The following GRIA3 variants were observed in gnomAD, a reference collection of about 807,000 sequenced individuals.
GRIA3 encodes the protein glutamate receptor 3.
In GRIA3, 3 loss-of-function variants were observed where a neutral mutation model predicts 63.0. That is an observed-to-expected ratio of 0.05 (90% CI 0.02 to 0.12). GRIA3 has a LOEUF of 0.12. Among genes scored for constraint, GRIA3 ranks in the 10% least tolerant of loss-of-function variants. The probability of loss-of-function intolerance (pLI) is 1.00; values close to 1 mark genes in which losing one functional copy is unlikely to be tolerated. For synonymous variants in GRIA3, 274 were observed against 257.9 expected, an observed-to-expected ratio of 1.06 and a Z score of -0.60; for missense variants, 347 against 700.9, an observed-to-expected ratio of 0.50 and a Z score of 5.70.
chrX:123,446,543 A>G (rs1192771790), intron 12 of GRIA3, among the ~76,000 whole-genome samples: 1 of 112,530 alleles, frequency 8.9e-6, no homozygotes, highest in African/African-American at 3.2e-5. Flanking sequence ...TCTTAATCAA[A>G]TATTCTGTTG....
intron 4 of GRIA3, 33 bp downstream of exon 4, chrX:123,326,246 C>T: frequency 9.0e-7 from 1 of 1,116,189 alleles, no homozygotes; most frequent in East Asian, 3.0e-5. Flanking sequence ...CGCCAGCCAA[C>T]ATGTTAAATT....
At chrX:123,289,765 C>G (rs1349975134) in intron 3 of GRIA3, among the ~76,000 whole-genome samples, 2 of 110,175 alleles carry the variant, frequency 1.8e-5, no homozygotes, top group African/African-American at 6.6e-5. Flanking sequence ...ACATGACCAC[C>G]CTCCACCCCC....
At chrX:123,367,199 T>C (rs1384092301) in intron 5 of GRIA3, among the ~76,000 whole-genome samples, 1 of 111,927 alleles carries the variant, frequency 8.9e-6, no homozygotes, top group Non-Finnish European at 1.9e-5. Flanking sequence ...AAGCAGTTGC[T>C]GCAAAACAGC....
At chrX:123,207,322 C>T in intron 2 of GRIA3, among the ~76,000 whole-genome samples, 1 of 111,770 alleles carries the variant, frequency 8.9e-6, no homozygotes, top group Middle Eastern at 4.6e-3. Context: ...ACATACCAGG[C>T]ATCCTTCTAA....
intron 3 of GRIA3, among the ~76,000 whole-genome samples, chrX:123,293,146 G>A (rs1436745377): frequency 9.1e-6 from 1 of 110,477 alleles, no homozygotes; most frequent in East Asian, 2.9e-4. Flanking sequence ...AAGAGTAGGT[G>A]GCCACTAGAC....
chrX:123,228,833 A>G (rs755836847), intron 2 of GRIA3, among the ~76,000 whole-genome samples: 8 of 111,836 alleles, frequency 7.2e-5, no homozygotes, highest in African/African-American at 1.6e-4. Context: ...CCAGAGACCT[A>G]TGAAAATCAG....
intron 10 of GRIA3, among the ~76,000 whole-genome samples, chrX:123,410,820 C>G (rs1472723314): frequency 1.8e-5 from 2 of 111,644 alleles, no homozygotes; most frequent in African/African-American, 6.5e-5. Context: ...ATATTTCCAG[C>G]TAAACGTAGT....
chrX:123,229,464 A>G (rs1210962764), intron 2 of GRIA3, among the ~76,000 whole-genome samples: 1 of 111,726 alleles, frequency 9.0e-6, no homozygotes, highest in Admixed American at 9.5e-5. Context: ...TGAATAGCCT[A>G]TTCCCTACCA....
chrX:123,404,614 C>A (rs1970239733), intron 9 of GRIA3, 94 bp from the exon 10 acceptor site: 1 of 617,097 alleles, frequency 1.6e-6, no homozygotes, highest in African/African-American at 2.3e-5. Context: ...ACATACCAAA[C>A]CTCAATAGTC....
At chrX:123,370,468 C>G (rs2045239966) in intron 5 of GRIA3, among the ~76,000 whole-genome samples, 1 of 111,927 alleles carries the variant, frequency 8.9e-6, no homozygotes, top group South Asian at 3.7e-4. Flanking sequence ...AGTAAGCCAA[C>G]TTCTGCCCAA....
chrX:123,190,431 G>C (rs1406409500), intron 2 of GRIA3, among the ~76,000 whole-genome samples: 1 of 108,589 alleles, frequency 9.2e-6, no homozygotes, highest in African/African-American at 3.4e-5. Flanking sequence ...GTTTATTACG[G>C]TTTTTAAAAT....
intron 3 of GRIA3, among the ~76,000 whole-genome samples, chrX:123,304,222 T>TAAC (rs1006979373): frequency 5.4e-5 from 3 of 55,259 alleles, no homozygotes; most frequent in Admixed American, 2.0e-4. Flanking sequence ...ACAACAACAA[T>TAAC]AACAACAACA....
chrX:123,188,829 A>G (rs779920331), intron 2 of GRIA3, among the ~76,000 whole-genome samples: 42 of 112,049 alleles, frequency 3.7e-4, no homozygotes, highest in Non-Finnish European at 6.6e-4. Context: ...GTAAACGAAT[A>G]CACAAAGAAT....
chrX:123,294,749 T>C (rs975796630), intron 3 of GRIA3, among the ~76,000 whole-genome samples: 2 of 111,100 alleles, frequency 1.8e-5, no homozygotes, highest in Admixed American at 9.6e-5. Context: ...TAGCATCAAC[T>C]GAGCAAAGCC....
chrX:123,441,115 A>T (rs768555083), intron 12 of GRIA3, among the ~76,000 whole-genome samples: 1 of 111,946 alleles, frequency 8.9e-6, no homozygotes, highest in East Asian at 2.8e-4. Context: ...ATTTAAAATT[A>T]TTTGGAGGGA....
chrX:123,437,113 G>A lies in GRIA3; in HGVS notation c.2076+8974G>A, dbSNP rs1398650018. On this transcript the variant is annotated intron_variant, in intron 12 of 15. Transcript: ENST00000620443. The stretch of plus-strand genomic sequence containing the variant: ...GAATTTTTTCCCCAAAAGCCTACTA[G>A]ATGATGTCCTGCAGTCAGATTCATT... 2.8e-5 allele frequency among the ~76,000 whole-genome samples: 3 copies of A among 108,365 alleles called. No homozygotes were observed. The Admixed American group carries it at 3.1e-4, about 11-fold the overall frequency. The allele number at this position is 108,365 out of a possible 115,157, so 94.1% of individuals were successfully genotyped here. A position where few individuals can be genotyped will look rare whatever the true frequency, so the allele number is the denominator to read the frequency against.
At chrX:123,463,952 T>A (rs921053931) in intron 12 of GRIA3, among the ~76,000 whole-genome samples, 3 of 111,367 alleles carry the variant, frequency 2.7e-5, no homozygotes, top group African/African-American at 9.8e-5. Context: ...TCTATTTCTA[T>A]ACACTCTAAA....
At chrX:123,253,758 G>C (rs2044403845) in intron 3 of GRIA3, 3 of 404,826 alleles carry the variant, frequency 7.4e-6, no homozygotes, top group Admixed American at 4.3e-5. Context: ...CCCTGAAAAA[G>C]CAGTTTGGAA....
At chrX:123,379,388 C>T (rs1028206656) in intron 5 of GRIA3, among the ~76,000 whole-genome samples, 5 of 111,038 alleles carry the variant, frequency 4.5e-5, no homozygotes, top group African/African-American at 1.3e-4. Context: ...CCTTAAAATT[C>T]GAAAGCAAAG....
Sources: allele counts gnomAD v4.1 joint callset (sites outside exome capture counted in the v4.1 genomes callset), GRCh38; gene constraint gnomAD v4.1.1; transcripts MANE v1.5; gene names NCBI Gene and HGNC (gene_info 2026-07-23, HGNC 2026-07-21).